C7orf78: variants seen among roughly 807,000 people sequenced by gnomAD.
C7orf78 encodes putative uncharacterized protein C7orf78.
At chr7:12,494,563 G>C in the C7orf78 span, among the ~76,000 whole-genome samples, 9 of 152,256 alleles carry the variant, frequency 5.9e-5, no homozygotes, top group African/African-American at 1.9e-4. Context: ...ATTTATTATA[G>C]GCACAATATG....
the C7orf78 span, chr7:12,541,262 A>C: frequency 6.6e-6 from 1 of 152,234 alleles, no homozygotes; most frequent in East Asian, 1.9e-4. Flanking sequence ...AATGTGAGAC[A>C]AACAACAATA....
At chr7:12,497,800 G>C in the C7orf78 span, among the ~76,000 whole-genome samples, 1 of 151,168 alleles carries the variant, frequency 6.6e-6, no homozygotes, top group Non-Finnish European at 1.5e-5. Flanking sequence ...CAAACAAAAA[G>C]ACAGCAGTAA....
the C7orf78 span, among the ~76,000 whole-genome samples, chr7:12,525,218 A>G: frequency 6.6e-6 from 1 of 152,154 alleles, no homozygotes; most frequent in African/African-American, 2.4e-5. Flanking sequence ...GCTTTTGAGT[A>G]GAGACCTTTG....
chr7:12,503,097 G>T, the C7orf78 span, among the ~76,000 whole-genome samples: 4 of 139,644 alleles, frequency 2.9e-5, no homozygotes, highest in African/African-American at 5.7e-5. Flanking sequence ...GTGGGGGTAG[G>T]GGGGAGGGAT....
At chr7:12,487,219 G>C in the C7orf78 span, 1 of 152,012 alleles carries the variant, frequency 6.6e-6, no homozygotes, top group African/African-American at 2.4e-5. Flanking sequence ...GATGATCACT[G>C]TATTTGGATT....
At chr7:12,540,504 AATT>A in the C7orf78 span, among the ~76,000 whole-genome samples, 14 of 152,310 alleles carry the variant, frequency 9.2e-5, no homozygotes, top group Admixed American at 8.5e-4. Flanking sequence ...CAGGTATTAT[AATT>A]ATTATTATTG....
At chr7:12,488,956 C>A in the C7orf78 span, among the ~76,000 whole-genome samples, 26,888 of 147,038 alleles carry the variant, frequency 0.18, 2,897 homozygotes, top group Middle Eastern at 0.26. Context: ...GAAGAGTTTC[C>A]GTATATTTGA....
At chr7:12,521,745 C>G in the C7orf78 span, among the ~76,000 whole-genome samples, 31 of 150,456 alleles carry the variant, frequency 2.1e-4, no homozygotes, top group African/African-American at 7.3e-4. Flanking sequence ...ACTTGCTAAC[C>G]ATTTTCCTGT....
At chr7:12,526,518 A>G in the C7orf78 span, among the ~76,000 whole-genome samples, 1 of 152,156 alleles carries the variant, frequency 6.6e-6, no homozygotes, top group Non-Finnish European at 1.5e-5. Context: ...ATAAGATGTT[A>G]ACAGTGTTTG....
the C7orf78 span, among the ~76,000 whole-genome samples, chr7:12,492,819 T>G: frequency 6.6e-6 from 1 of 152,236 alleles, no homozygotes; most frequent in Non-Finnish European, 1.5e-5. Flanking sequence ...TGTGAACTGA[T>G]TCTGCTCTTT....
chr7:12,530,914 T>A, the C7orf78 span: 1 of 396,118 alleles, frequency 2.5e-6, no homozygotes, highest in Non-Finnish European at 4.4e-6. Context: ...AGATACACTT[T>A]TAAAGCAAAG....
chr7:12,499,078 A>G, the C7orf78 span, among the ~76,000 whole-genome samples: 1 of 152,140 alleles, frequency 6.6e-6, no homozygotes, highest in Non-Finnish European at 1.5e-5. Flanking sequence ...AGAGCTCCTG[A>G]AGGAAGCGCT....
the C7orf78 span, among the ~76,000 whole-genome samples, chr7:12,501,413 C>G: frequency 6.6e-6 from 1 of 151,704 alleles, no homozygotes; most frequent in Non-Finnish European, 1.5e-5. Flanking sequence ...GTGCAAAAAT[C>G]ACAAGCATTC....
chr7:12,502,399 A>C, the C7orf78 span, among the ~76,000 whole-genome samples: 1,090 of 151,534 alleles, frequency 7.2e-3, 47 homozygotes, highest in East Asian at 0.11. Context: ...AAAAACAAAC[A>C]ACCCCATCAA....
At chr7:12,516,083 T>C in the C7orf78 span, among the ~76,000 whole-genome samples, 29,897 of 152,124 alleles carry the variant, frequency 0.2, 3,050 homozygotes, top group East Asian at 0.32. Context: ...CTAGGGTATG[T>C]CAGATGTCTT....
chr7:12,517,273 C>T, the C7orf78 span, among the ~76,000 whole-genome samples: 7 of 152,164 alleles, frequency 4.6e-5, no homozygotes, highest in Admixed American at 1.3e-4. Flanking sequence ...CTCTTGCCAC[C>T]GCCATGTAAG....
the C7orf78 span, among the ~76,000 whole-genome samples, chr7:12,512,311 G>T: frequency 6.6e-6 from 1 of 152,058 alleles, no homozygotes; most frequent in African/African-American, 2.4e-5. Flanking sequence ...TTAGTATCAT[G>T]TTAGCTGTGG....
chr7:12,537,930 A>G, the C7orf78 span, among the ~76,000 whole-genome samples: 12 of 152,138 alleles, frequency 7.9e-5, no homozygotes, highest in African/African-American at 2.9e-4. Context: ...ACATATCTGT[A>G]TATACTGCAT....
At chr7:12,500,118 A>G in the C7orf78 span, among the ~76,000 whole-genome samples, 1 of 137,410 alleles carries the variant, frequency 7.3e-6, no homozygotes, top group South Asian at 2.7e-4. Flanking sequence ...AATGCCCACA[A>G]GAGAAAGCAG....
Sources: allele counts gnomAD v4.1 joint callset (sites outside exome capture counted in the v4.1 genomes callset), GRCh38; gene constraint gnomAD v4.1.1; transcripts MANE v1.5; gene names NCBI Gene and HGNC (gene_info 2026-07-23, HGNC 2026-07-21).